Variants in SYTL5 observed in about 807,000 individuals in gnomAD.
The protein encoded by SYTL5 is synaptotagmin-like protein 5.
A neutral mutation model predicts 55.9 loss-of-function variants in SYTL5; 34 were observed. The observed-to-expected ratio is 0.61, with a 90% confidence interval of 0.46 to 0.81. SYTL5 has a LOEUF of 0.81. Ranked by LOEUF, SYTL5 falls within the 30% of genes least tolerant of loss-of-function variation. SYTL5 has a pLI of 0.00. For missense variants in SYTL5, 637 were observed against 546.7 expected, an observed-to-expected ratio of 1.17 and a Z score of -1.65; for synonymous variants, 221 against 188.7, an observed-to-expected ratio of 1.17 and a Z score of -1.40.
chrX:37,932,477 C>T, the SYTL5 span, among the ~76,000 whole-genome samples: 2 of 111,747 alleles, frequency 1.8e-5, no homozygotes, highest in Non-Finnish European at 3.8e-5. Context: ...ATTATGGTAG[C>T]ATTCCTTTTA....
rs767919518 is a variant in SYTL5 at position 38,008,184 on chromosome X, G to A, written c.-357+1516G>A. On this transcript the variant is annotated intron_variant, in intron 1 of 16. Transcript: ENST00000297875. ...TCTTATGACTATTTTGCCATCCTGCGTAAGCACTTAGCTAATCATCTTTAA... is the reference window on the plus strand; with the variant it reads ...TCTTATGACTATTTTGCCATCCTGCATAAGCACTTAGCTAATCATCTTTAA... Among the ~76,000 whole-genome samples the A allele has an allele frequency of 8.1e-5, 9 of 111,784 alleles. No individual in the cohort carries two copies. In the East Asian group the frequency reaches 2.0e-3, roughly 24 times the overall value.
At chrX:37,983,136 T>G in the SYTL5 span, among the ~76,000 whole-genome samples, 5 of 111,343 alleles carry the variant, frequency 4.5e-5, no homozygotes, top group African/African-American at 1.6e-4. Flanking sequence ...AAAAAGGACA[T>G]GTAAGCTATA....
chrX:37,903,250 T>C, the SYTL5 span, among the ~76,000 whole-genome samples: 6 of 108,410 alleles, frequency 5.5e-5, no homozygotes, highest in Admixed American at 9.9e-5. Flanking sequence ...CACATGCACA[T>C]GTATGTTTAT....
chrX:38,003,280 A>G (rs1474888280), upstream of SYTL5, among the ~76,000 whole-genome samples: 3 of 111,649 alleles, frequency 2.7e-5, no homozygotes, highest in Admixed American at 2.9e-4. Flanking sequence ...GCCTTGTAGT[A>G]TAGTTTGAAG....
the SYTL5 span, among the ~76,000 whole-genome samples, chrX:37,940,779 G>A: frequency 5.6e-4 from 62 of 110,288 alleles, 1 homozygote; most frequent in Admixed American, 3.4e-3. Flanking sequence ...TTGACTCTGG[G>A]GTAAATTATC....
rs566586107 is a variant in SYTL5, at chrX:38,122,099, G to A, written c.1725G>A (p.Lys575=). The change falls in exon 15 of 17, where the codon AAG becomes AAA. Residue 575 remains lysine (K), a synonymous_variant. Coordinates refer to ENST00000297875, the MANE Select transcript of SYTL5 (RefSeq NM_138780.3). ...ACACAGGAAATAAGACTTTTAAAAA[G>A]GGAAAGAAGAAGGAGTCACCTGTAA... ...EQLQGNKTFK[K]GKKKESPVIS... 5 of 1,186,757 alleles carry A rather than the reference G, an allele frequency of 4.2e-6. No individual in the cohort carries two copies. The Admixed American group carries it at 9.0e-5, about 21-fold the overall frequency.
At chrX:38,004,957 T>G (rs1481041789), upstream of SYTL5, among the ~76,000 whole-genome samples, 1 of 111,867 alleles carries the variant, frequency 8.9e-6, no homozygotes, top group Admixed American at 9.5e-5. Context: ...AAAGGATAAT[T>G]GCTTGAGGCT....
intron 1 of SYTL5, among the ~76,000 whole-genome samples, chrX:38,022,252 T>C (rs1934577837): frequency 8.9e-6 from 1 of 112,464 alleles, no homozygotes; most frequent in Admixed American, 9.5e-5. Context: ...TCCCAACTGA[T>C]ACAGTGTTAC....
the SYTL5 span, chrX:37,994,763 G>A: frequency 8.9e-6 from 1 of 112,738 alleles, no homozygotes; most frequent in Non-Finnish European, 1.9e-5. Flanking sequence ...GGAGGAGGAG[G>A]AGAAGAAGGA....
At chrX:38,068,840 C>T (rs1712064285) in intron 3 of SYTL5, among the ~76,000 whole-genome samples, 1 of 110,745 alleles carries the variant, frequency 9.0e-6, no homozygotes, top group Admixed American at 9.6e-5. Context: ...GCAACGGGAT[C>T]GTTTATACCC....
chrX:38,117,357 T>C (rs1333614323), intron 13 of SYTL5, among the ~76,000 whole-genome samples: 1 of 111,917 alleles, frequency 8.9e-6, no homozygotes, highest in East Asian at 2.8e-4. Context: ...TAAAAACCAA[T>C]GGAACATTGG....
At chrX:37,956,656 A>G in the SYTL5 span, among the ~76,000 whole-genome samples, 1 of 112,223 alleles carries the variant, frequency 8.9e-6, no homozygotes, top group Admixed American at 9.5e-5. Flanking sequence ...ATTCAATTGT[A>G]TTTATATACC....
At chrX:37,987,223 G>A in the SYTL5 span, among the ~76,000 whole-genome samples, 1 of 111,889 alleles carries the variant, frequency 8.9e-6, no homozygotes, top group Admixed American at 9.5e-5. Flanking sequence ...GTGAATAAGT[G>A]ATTATCAATT....
At chrX:38,066,263 T>C (rs1461047418) in intron 3 of SYTL5, among the ~76,000 whole-genome samples, 1 of 111,913 alleles carries the variant, frequency 8.9e-6, no homozygotes, top group Non-Finnish European at 1.9e-5. Flanking sequence ...AATGAATCTT[T>C]TGGTCATTAT....
chrX:38,084,599 C>T (rs1052279184), intron 6 of SYTL5, among the ~76,000 whole-genome samples: 4 of 110,882 alleles, frequency 3.6e-5, no homozygotes, highest in African/African-American at 1.3e-4. Flanking sequence ...TGGGGAAAAA[C>T]CCCACACCTT....
the SYTL5 span, among the ~76,000 whole-genome samples, chrX:37,920,804 A>G: frequency 9.0e-6 from 1 of 111,604 alleles, no homozygotes; most frequent in Admixed American, 9.6e-5. Flanking sequence ...GATACAATAA[A>G]TACTCAGTTG....
intron 15 of SYTL5, among the ~76,000 whole-genome samples, chrX:38,123,800 G>A (rs1033391744): frequency 3.6e-5 from 4 of 111,735 alleles, no homozygotes; most frequent in Non-Finnish European, 5.6e-5. Context: ...ATAACTTTCC[G>A]GTAAATTCTG....
chrX:37,952,446 C>T, the SYTL5 span, among the ~76,000 whole-genome samples: 1 of 111,556 alleles, frequency 9.0e-6, no homozygotes, highest in African/African-American at 3.3e-5. Flanking sequence ...CAAACTCCTA[C>T]TTGAGTTACA....
the SYTL5 span, among the ~76,000 whole-genome samples, chrX:37,915,754 T>A: frequency 1.8e-5 from 2 of 111,551 alleles, no homozygotes; most frequent in Non-Finnish European, 3.8e-5. Context: ...CATTTTTTTT[T>A]CCCATCCAAG....
Sources: gnomAD v4.1 joint callset for allele counts (sites outside exome capture counted in the v4.1 genomes callset) on GRCh38, gnomAD v4.1.1 for gene constraint, MANE v1.5 for transcripts, NCBI Gene and HGNC (gene_info 2026-07-23, HGNC 2026-07-21) for gene names.